KATNIP: variants seen among roughly 807,000 people sequenced by gnomAD.
KATNIP encodes katanin-interacting protein.
Under a neutral mutation model 174.0 loss-of-function variants are expected in KATNIP, and 126 were observed. The observed-to-expected ratio is 0.72, with a 90% CI of 0.63 to 0.84. The LOEUF (loss-of-function observed/expected upper bound fraction) is 0.84. Among genes scored for constraint, KATNIP ranks in the 40% least tolerant of loss-of-function variants. KATNIP has a pLI of 0.00. For missense variants in KATNIP, 1,958 were observed against 2,109.7 expected (o/e 0.93, Z 1.41); for synonymous variants, 810 against 835.7 (o/e 0.97, Z 0.53).
intron 6 of KATNIP, among the ~76,000 whole-genome samples, chr16:27,663,678 C>T (rs1453519833): frequency 2.0e-5 from 3 of 150,718 alleles, no homozygotes; most frequent in Non-Finnish European, 3.0e-5. Flanking sequence ...AGGCTGCTCT[C>T]GAATTCCTGA....
chr16:27,632,731 A>C, intron 5 of KATNIP: 1 of 415,976 alleles, frequency 2.4e-6, no homozygotes, highest in Admixed American at 2.7e-5. Context: ...GAGTCTTTGA[A>C]AAGGGCTGAT....
At chr16:27,681,089 C>T (rs573112406) in intron 7 of KATNIP, 9 of 316,396 alleles carry the variant, frequency 2.8e-5, no homozygotes, top group Non-Finnish European at 5.0e-5. Flanking sequence ...ACCACAGCCT[C>T]CCAAAGCACC....
intron 6 of KATNIP, among the ~76,000 whole-genome samples, chr16:27,673,721 G>C (rs1597133233): frequency 2.0e-5 from 3 of 152,108 alleles, no homozygotes; most frequent in Admixed American, 2.0e-4. Flanking sequence ...GTTGGGTGGG[G>C]GGACAAAATT....
intron 5 of KATNIP, among the ~76,000 whole-genome samples, chr16:27,640,999 A>G (rs1024504670): frequency 6.6e-6 from 1 of 152,088 alleles, no homozygotes; most frequent in Non-Finnish European, 1.5e-5. Flanking sequence ...TTAGCCGGAC[A>G]TGGTGGTGAA....
chr16:27,713,728 T>TATA (rs146481001), intron 13 of KATNIP, among the ~76,000 whole-genome samples: 1 of 8,146 alleles, frequency 1.2e-4, no homozygotes, highest in African/African-American at 2.3e-4. Context: ...TGTGTGTGTA[T>TATA]TATATACACA....
chr16:27,598,589 C>T (rs976172060), intron 2 of KATNIP, among the ~76,000 whole-genome samples: 1 of 152,102 alleles, frequency 6.6e-6, no homozygotes, highest in Admixed American at 6.6e-5. Flanking sequence ...TCGGGTCTGG[C>T]CTGTTTGAAT....
intron 2 of KATNIP, among the ~76,000 whole-genome samples, chr16:27,579,333 C>T (rs1179843957): frequency 6.6e-6 from 1 of 152,204 alleles, no homozygotes; most frequent in Non-Finnish European, 1.5e-5. Flanking sequence ...TGAGGCCAAG[C>T]AGCTCTGCCT....
At chr16:27,723,595 T>A (rs1471973576) in intron 14 of KATNIP, among the ~76,000 whole-genome samples, 1 of 152,046 alleles carries the variant, frequency 6.6e-6, no homozygotes, top group Non-Finnish European at 1.5e-5. Flanking sequence ...TCTCCACCCC[T>A]GCCCTAGTGA....
At chr16:27,700,703 A>C (rs1207552808) in intron 10 of KATNIP, among the ~76,000 whole-genome samples, 1 of 152,212 alleles carries the variant, frequency 6.6e-6, no homozygotes, top group Non-Finnish European at 1.5e-5. Context: ...GAATGAGCCC[A>C]GCCTGATCAA....
At chr16:27,698,290 A>G (rs1460593909) in intron 8 of KATNIP, 38 bp from the exon 9 acceptor site, 1 of 1,574,912 alleles carries the variant, frequency 6.3e-7, no homozygotes, top group South Asian at 1.2e-5. Flanking sequence ...CTCCGAGAAT[A>G]TAATCTAAAA....
intron 5 of KATNIP, among the ~76,000 whole-genome samples, chr16:27,636,690 G>A (rs1209030022): frequency 1.3e-5 from 2 of 152,144 alleles, no homozygotes; most frequent in African/African-American, 4.8e-5. Context: ...ACCTCTCTGA[G>A]CTGTGTGTCT....
chr16:27,778,028 AG>A, intron 27 of KATNIP, 59 bp downstream of exon 27: 1 of 1,504,866 alleles, frequency 6.6e-7, no homozygotes, highest in East Asian at 2.3e-5. Flanking sequence ...TGAATATAGA[AG>A]GAGCTGGTGG....
chr16:27,721,645 G>A lies in KATNIP; in HGVS notation c.1693G>A (p.Asp565Asn). ...TATTCGAAACACAAGACAGCTGGGG[G>A]ACTTCCATCTGGCCAAGATCAAGGT... Reference protein sequence around the residue: ...FVIRNTRQLGDFHLAKIKVRN... With the variant: ...FVIRNTRQLGNFHLAKIKVRN... The change falls in exon 14 of 28, where the codon GAC becomes AAC. Residue 565 changes from aspartate to asparagine, a missense_variant. Coordinates refer to ENST00000261588, the MANE Select transcript of KATNIP (RefSeq NM_015202.5). 6.2e-7 allele frequency: 1 copy of A among 1,614,170 alleles called. No individual in the cohort carries two copies. The highest frequency in any genetic ancestry group is 8.5e-7 in the Non-Finnish European group (1 of 1,180,030).
intron 20 of KATNIP, 92 bp downstream of exon 20, chr16:27,766,566 A>C: frequency 1.5e-6 from 2 of 1,328,172 alleles, no homozygotes; most frequent in African/African-American, 1.5e-5. Context: ...AGGAGCATAA[A>C]TCCTCCAGAA....
intron 2 of KATNIP, among the ~76,000 whole-genome samples, chr16:27,593,286 T>A (rs755570413): frequency 4.4e-5 from 6 of 136,074 alleles, no homozygotes; most frequent in Non-Finnish European, 6.1e-5. Flanking sequence ...TTGCCCAGGC[T>A]GGAGCGCAAT....
At chr16:27,605,201 G>T (rs2075661797) in intron 2 of KATNIP, among the ~76,000 whole-genome samples, 1 of 152,114 alleles carries the variant, frequency 6.6e-6, no homozygotes, top group South Asian at 2.1e-4. Flanking sequence ...CCAAAGTGCT[G>T]GGATTACAGG....
rs554236977 is a variant in KATNIP at position 27,657,911 on chromosome 16, G to A, written c.540+9176G>A. Reference sequence around the variant, plus strand: ...GATGACAGAGCAAGACTCCATCTTGGGAAAAACAAAAACAAAAACAGCATA... The same window carrying A: ...GATGACAGAGCAAGACTCCATCTTGAGAAAAACAAAAACAAAAACAGCATA... On this transcript the variant is annotated intron_variant, in intron 6 of 27. Coordinates refer to ENST00000261588, the MANE Select transcript of KATNIP (RefSeq NM_015202.5). Among the ~76,000 whole-genome samples, 108 of 152,064 alleles carry A rather than the reference G, an allele frequency of 7.1e-4. 1 individual carries two copies. Among genetic ancestry groups the A allele is most frequent in the African/African-American group, 2.4e-3 (101 of 41,496 alleles).
intron 13 of KATNIP, among the ~76,000 whole-genome samples, chr16:27,711,518 G>A (rs541486043): frequency 1.1e-4 from 16 of 152,098 alleles, no homozygotes; most frequent in Non-Finnish European, 2.1e-4. Context: ...CGGCAGTGTC[G>A]GTTAGCTGGT....
At chr16:27,761,339 C>A in intron 18 of KATNIP, 74 bp from the exon 19 acceptor site, 1 of 1,438,748 alleles carries the variant, frequency 7.0e-7, no homozygotes. Context: ...AATAGCATTC[C>A]TCTTCCTGTC....
Sources: gnomAD v4.1 joint callset for allele counts (sites outside exome capture counted in the v4.1 genomes callset) on GRCh38, gnomAD v4.1.1 for gene constraint, MANE v1.5 for transcripts, NCBI Gene and HGNC (gene_info 2026-07-23, HGNC 2026-07-21) for gene names.